The following SDK1 variants were observed in gnomAD, a reference collection of about 807,000 sequenced individuals.
SDK1 encodes sidekick cell adhesion molecule 1, also known as protein sidekick-1.
SDK1 carries 157 observed loss-of-function variants against 245.5 expected under a neutral mutation model. The observed-to-expected ratio is 0.64, with a 90% confidence interval of 0.56 to 0.73. The LOEUF (loss-of-function observed/expected upper bound fraction) is 0.73. Among genes scored for constraint, SDK1 ranks in the 30% least tolerant of loss-of-function variants. The probability of loss-of-function intolerance (pLI) is 0.00; values close to 1 mark genes in which losing one functional copy is unlikely to be tolerated. For missense variants in SDK1, 3,583 were observed against 3,002.3 expected (o/e 1.19, Z -4.52); for synonymous variants, 1,647 against 1,278.5 (o/e 1.29, Z -6.15).
chr7:3,761,260 C>CTTTTTTTT (rs71029692), intron 4 of SDK1, among the ~76,000 whole-genome samples: 28 of 93,718 alleles, frequency 3.0e-4, no homozygotes, highest in Admixed American at 3.8e-4. Flanking sequence ...GCCCCCCCTC[C>CTTTTTTTT]TTTTTTTTTT....
intron 1 of SDK1, among the ~76,000 whole-genome samples, chr7:3,525,559 T>G (rs897517300): frequency 3.3e-5 from 5 of 152,178 alleles, no homozygotes; most frequent in Admixed American, 1.3e-4. Flanking sequence ...GTGCTGTGTG[T>G]ACAACATCCT....
At chr7:3,598,727 G>A (rs1781153958) in intron 1 of SDK1, among the ~76,000 whole-genome samples, 1 of 152,168 alleles carries the variant, frequency 6.6e-6, no homozygotes, top group South Asian at 2.1e-4. Flanking sequence ...GACCTTTTGG[G>A]ATCACATTTT....
chr7:3,725,275 A>C (rs976261707), intron 4 of SDK1, among the ~76,000 whole-genome samples: 1 of 152,200 alleles, frequency 6.6e-6, no homozygotes, highest in African/African-American at 2.4e-5. Context: ...CAGCAATTTC[A>C]TGAGATCCAA....
At chr7:3,815,543 A>C (rs1421863185) in intron 4 of SDK1, among the ~76,000 whole-genome samples, 1 of 148,986 alleles carries the variant, frequency 6.7e-6, no homozygotes, top group Non-Finnish European at 1.5e-5. Context: ...TTTTTGCATC[A>C]ATGTTCATCA....
intron 4 of SDK1, among the ~76,000 whole-genome samples, chr7:3,662,151 T>C (rs140339962): frequency 2.0e-5 from 3 of 152,180 alleles, no homozygotes; most frequent in African/African-American, 7.2e-5. Context: ...CAACAATTAT[T>C]TTCTTAATCC....
Position 4,076,998 on chromosome 7 carries a change from G to A in SDK1, c.3011G>A (p.Gly1004Asp). The part of the protein sequence containing the change: ...EPLEKNGIIT[G>D]YQISWEVYGR... ...CTGGTCTGGTCCTGTTGCTTTCTAGGCTATCAGATCTCTTGGGAAGTGTAC... is the reference window on the plus strand; with the variant it reads ...CTGGTCTGGTCCTGTTGCTTTCTAGACTATCAGATCTCTTGGGAAGTGTAC... The change falls in exon 21 of 45, where the codon GGC becomes GAC. Residue 1004 changes from glycine (G) to aspartate (D), a missense_variant and splice_region_variant. Coordinates refer to ENST00000404826, the MANE Select transcript of SDK1 (RefSeq NM_152744.4). 1 of 1,613,688 alleles carries A rather than the reference G, an allele frequency of 6.2e-7. No individual in the cohort carries two copies. Among genetic ancestry groups the A allele is most frequent in the Non-Finnish European group, 8.5e-7 (1 of 1,179,942 alleles).
At chr7:3,537,496 T>G (rs2128619611) in intron 1 of SDK1, among the ~76,000 whole-genome samples, 1 of 152,332 alleles carries the variant, frequency 6.6e-6, no homozygotes. Flanking sequence ...TTTGTCACTC[T>G]AAGGAATTTG....
chr7:3,487,604 A>T (rs1480848704), intron 1 of SDK1, among the ~76,000 whole-genome samples: 1 of 151,892 alleles, frequency 6.6e-6, no homozygotes, highest in African/African-American at 2.4e-5. Flanking sequence ...ACACCCAAAA[A>T]ATTAGCCAGG....
At chr7:4,114,652 C>T (rs965917933) in intron 25 of SDK1, among the ~76,000 whole-genome samples, 4 of 152,158 alleles carry the variant, frequency 2.6e-5, no homozygotes, top group Non-Finnish European at 5.9e-5. Flanking sequence ...GTTAAGTAAT[C>T]TAGCCTGTGG....
At chr7:4,104,360 C>T (rs946741054) in intron 22 of SDK1, among the ~76,000 whole-genome samples, 9 of 152,196 alleles carry the variant, frequency 5.9e-5, no homozygotes, top group African/African-American at 2.2e-4. Context: ...TGAACCTGGC[C>T]TAGAGCCTGC....
intron 1 of SDK1, among the ~76,000 whole-genome samples, chr7:3,394,010 G>A (rs1583792255): frequency 6.6e-6 from 1 of 152,212 alleles, no homozygotes; most frequent in East Asian, 1.9e-4. Flanking sequence ...TATTCAAAAG[G>A]AGTTGGGTAA....
At chr7:3,769,216 G>C (rs1004144919) in intron 4 of SDK1, among the ~76,000 whole-genome samples, 1 of 152,202 alleles carries the variant, frequency 6.6e-6, no homozygotes, top group Non-Finnish European at 1.5e-5. Context: ...AATACCTGAA[G>C]CTGGGTAATG....
At chr7:4,020,207 CAG>C (rs1430386645) in intron 17 of SDK1, among the ~76,000 whole-genome samples, 6 of 152,186 alleles carry the variant, frequency 3.9e-5, no homozygotes, top group African/African-American at 7.2e-5. Flanking sequence ...AGTTACTGGC[CAG>C]AGTGTTAGGA....
chr7:3,920,778 G>A (rs768354175), intron 5 of SDK1, among the ~76,000 whole-genome samples: 5 of 152,130 alleles, frequency 3.3e-5, no homozygotes, highest in Non-Finnish European at 7.3e-5. Flanking sequence ...GAGTGAAGAG[G>A]AGGATAAATA....
chr7:4,101,185 G>A (rs1227558659), intron 22 of SDK1, among the ~76,000 whole-genome samples: 1 of 144,858 alleles, frequency 6.9e-6, no homozygotes, highest in South Asian at 2.2e-4. Context: ...GTCTCGCTCT[G>A]TCACCCAGGC....
intron 5 of SDK1, among the ~76,000 whole-genome samples, chr7:3,942,349 C>T (rs981267012): frequency 2.0e-5 from 3 of 152,164 alleles, no homozygotes; most frequent in African/African-American, 4.8e-5. Flanking sequence ...TCTGCAGAGA[C>T]GGGGCAGTGT....
chr7:3,808,782 TAAAGC>T (rs1779313097), intron 4 of SDK1, among the ~76,000 whole-genome samples: 1 of 152,084 alleles, frequency 6.6e-6, no homozygotes, highest in African/African-American at 2.4e-5. Flanking sequence ...GGCTGTCTGA[TAAAGC>T]AAAGAACCCA....
chr7:4,012,430 C>T (rs1302283969), intron 16 of SDK1, among the ~76,000 whole-genome samples, 195 bp downstream of exon 16: 1 of 151,482 alleles, frequency 6.6e-6, no homozygotes, highest in African/African-American at 2.4e-5. Flanking sequence ...CGTGCAGAGA[C>T]ATTCTGTGCA....
chr7:3,420,705 A>G lies in SDK1; in HGVS notation c.298+118821A>G, dbSNP rs6966027. On this transcript the variant is annotated intron_variant, in intron 1 of 44. Coordinates refer to ENST00000404826, the MANE Select transcript of SDK1 (RefSeq NM_152744.4). ...ATCTCATTATATTCTTTTTTAACATAATGAGAATCTTTATGGAAGAATTTG... is the reference window on the plus strand; with the variant it reads ...ATCTCATTATATTCTTTTTTAACATGATGAGAATCTTTATGGAAGAATTTG... Among the ~76,000 whole-genome samples the G allele has an allele frequency of 1.9e-3, 295 of 152,306 alleles. 2 individuals are homozygous for G. The highest frequency in any genetic ancestry group is 3.1e-3 in the Non-Finnish European group (213 of 68,022).
Sources: allele counts gnomAD v4.1 joint callset (sites outside exome capture counted in the v4.1 genomes callset), GRCh38; gene constraint gnomAD v4.1.1; transcripts MANE v1.5; gene names NCBI Gene and HGNC (gene_info 2026-07-23, HGNC 2026-07-21).